Variants in AGPAT3 observed in about 807,000 individuals in gnomAD.
AGPAT3 encodes the protein 1-acylglycerol-3-phosphate O-acyltransferase 3.
A neutral mutation model predicts 47.3 loss-of-function variants in AGPAT3; 5 were observed. That is an observed-to-expected ratio of 0.11 (90% CI 0.06 to 0.22). The LOEUF (loss-of-function observed/expected upper bound fraction) is 0.22. Ranked by LOEUF, AGPAT3 falls within the 10% of genes least tolerant of loss-of-function variation. The pLI is 1.00. For missense variants in AGPAT3, 315 were observed against 493.0 expected, an observed-to-expected ratio of 0.64 and a Z score of 3.42; for synonymous variants, 212 against 208.3, an observed-to-expected ratio of 1.02 and a Z score of -0.15.
intron 1 of AGPAT3, among the ~76,000 whole-genome samples, chr21:43,889,796 T>C (rs973492055): frequency 6.6e-6 from 1 of 152,204 alleles, no homozygotes; most frequent in Non-Finnish European, 1.5e-5. Context: ...TGCTAAAAAA[T>C]GCTAATGATC....
At chr21:43,976,211 C>T (rs144780720) in intron 7 of AGPAT3, among the ~76,000 whole-genome samples, 183 of 152,234 alleles carry the variant, frequency 1.2e-3, no homozygotes, top group African/African-American at 4.2e-3. Context: ...GGATTACAGG[C>T]GCATTCCACC....
At chr21:43,947,471 C>T (rs1378933461) in intron 2 of AGPAT3, among the ~76,000 whole-genome samples, 2 of 152,196 alleles carry the variant, frequency 1.3e-5, no homozygotes, top group East Asian at 1.9e-4. Flanking sequence ...GCATCTCCAG[C>T]GAGGCCTGGA....
chr21:43,897,386 C>A (rs190382265), intron 1 of AGPAT3, among the ~76,000 whole-genome samples: 5 of 151,950 alleles, frequency 3.3e-5, no homozygotes, highest in Admixed American at 2.0e-4. Context: ...CAATCTGATC[C>A]CTCTTTCTTT....
chr21:43,949,146 G>A (rs767477834), intron 2 of AGPAT3, among the ~76,000 whole-genome samples: 3 of 152,170 alleles, frequency 2.0e-5, no homozygotes, highest in Admixed American at 6.5e-5. Flanking sequence ...CTGGGGCTGG[G>A]GGGGAGCTTT....
intron 2 of AGPAT3, among the ~76,000 whole-genome samples, chr21:43,923,706 G>A (rs191244117): frequency 5.9e-5 from 9 of 152,328 alleles, no homozygotes; most frequent in Admixed American, 2.0e-4. Flanking sequence ...AGGGTGTTAC[G>A]AAGGATCCGA....
At position 43,933,482 on chromosome 21, in the gene AGPAT3, T is replaced by C. The variant is rs939163246; in HGVS notation, c.-48-26152T>C. ...ATGGGGAAAGGTTTGGGAATATCGA[T>C]GATGTCATCATACTCCTGGCTGCTT... is the stretch of plus-strand genomic sequence containing the variant. On this transcript the variant is annotated intron_variant, in intron 2 of 9. Transcript: ENST00000291572. The surrounding 1 kb of genome is among the most constrained non-coding windows in gnomAD (Gnocchi z 6.0). Among the ~76,000 whole-genome samples, 1 of 152,204 alleles carries C rather than the reference T, an allele frequency of 6.6e-6. No homozygotes were observed.
chr21:43,958,886 GGT>G (rs927005375), intron 2 of AGPAT3, among the ~76,000 whole-genome samples: 10 of 144,112 alleles, frequency 6.9e-5, no homozygotes, highest in African/African-American at 2.1e-4. Context: ...TGGTGTGTAT[GGT>G]GTGTGTGTGG....
At chr21:43,944,416 C>T (rs1406809630) in intron 2 of AGPAT3, among the ~76,000 whole-genome samples, 1 of 152,240 alleles carries the variant, frequency 6.6e-6, no homozygotes, top group African/African-American at 2.4e-5. Flanking sequence ...TCCCTGCCTG[C>T]AGGCGCTGGC....
intron 2 of AGPAT3, among the ~76,000 whole-genome samples, chr21:43,953,216 C>T (rs757448062): frequency 5.9e-5 from 9 of 152,198 alleles, no homozygotes; most frequent in Admixed American, 3.3e-4. Flanking sequence ...GACAGAGAGA[C>T]GTGCCATCCA....
intron 1 of AGPAT3, among the ~76,000 whole-genome samples, chr21:43,872,705 C>G (rs1049131337): frequency 6.6e-6 from 1 of 152,160 alleles, no homozygotes; most frequent in East Asian, 1.9e-4. Flanking sequence ...GTTTTGCTGC[C>G]TGGGCCAGGC....
chr21:43,975,642 C>G (rs550473362), intron 7 of AGPAT3, among the ~76,000 whole-genome samples: 1 of 152,256 alleles, frequency 6.6e-6, no homozygotes, highest in Admixed American at 6.5e-5. Flanking sequence ...CTCTGAGGTG[C>G]GTCGTCGCCC....
At chr21:43,875,422 G>T (rs980279121) in intron 1 of AGPAT3, among the ~76,000 whole-genome samples, 1 of 152,134 alleles carries the variant, frequency 6.6e-6, no homozygotes. Flanking sequence ...GGAACCCCTA[G>T]ATATGGAGGG....
At chr21:43,906,845 C>T (rs939238100) in intron 2 of AGPAT3, among the ~76,000 whole-genome samples, 4 of 152,238 alleles carry the variant, frequency 2.6e-5, no homozygotes, top group East Asian at 1.9e-4. Flanking sequence ...TCCGCCTGGG[C>T]GAGCCGACAC....
chr21:43,922,286 C>T lies in AGPAT3; in HGVS notation c.-49+18267C>T, dbSNP rs768359123. The stretch of plus-strand genomic sequence containing the variant: ...GAGGCTCCTGTTCTTGTGGGGGTGG[C>T]GAGGCGAGGATGGTGAACACATCAG... On this transcript the variant is annotated intron_variant, in intron 2 of 9. Transcript: ENST00000291572. This position sits in a 1 kb window ranked among gnomAD's most constrained non-coding sequence, Gnocchi z 4.9. Among the ~76,000 whole-genome samples, 4 of 151,816 alleles carry T rather than the reference C, an allele frequency of 2.6e-5. No individual in the cohort carries two copies. Among genetic ancestry groups the T allele is most frequent in the Non-Finnish European group, 5.9e-5 (4 of 67,940 alleles).
intron 2 of AGPAT3, among the ~76,000 whole-genome samples, chr21:43,938,088 TC>T (rs2087510189): frequency 1.1e-4 from 1 of 9,198 alleles, no homozygotes; most frequent in Non-Finnish European, 2.3e-4. Flanking sequence ...CCCCACTTTC[TC>T]TCTCTCTCTC....
rs376959948 is a variant in AGPAT3 at position 43,877,529 on chromosome 21, G to A, written c.-112+12184G>A. 3.8e-4 allele frequency among the ~76,000 whole-genome samples: 58 copies of A among 151,740 alleles called. 1 individual carries two copies. In the East Asian group the frequency reaches 6.6e-3, roughly 17 times the overall value. On this transcript the variant is annotated intron_variant, in intron 1 of 9. Transcript: ENST00000291572. ...GCCATGTTGGCTCACCACAACTTCC[G>A]CCCCCCGGGTTCAAGTGATTCTCCT...
intron 2 of AGPAT3, among the ~76,000 whole-genome samples, chr21:43,941,504 G>A (rs906165096): frequency 2.0e-5 from 3 of 152,184 alleles, no homozygotes; most frequent in African/African-American, 4.8e-5. Context: ...CTGTGATTAC[G>A]CCACTGCACT....
chr21:43,866,174 T>A (rs1479188602), intron 1 of AGPAT3, among the ~76,000 whole-genome samples: 4 of 149,708 alleles, frequency 2.7e-5, no homozygotes, highest in African/African-American at 9.8e-5. Context: ...GGGAAAATGC[T>A]TTTATAAATG....
intron 3 of AGPAT3, chr21:43,960,890 C>A: frequency 1.6e-5 from 8 of 508,888 alleles, no homozygotes; most frequent in Non-Finnish European, 2.0e-5. Flanking sequence ...CCTGTAATCC[C>A]AGCACTTTGA....
Sources: gnomAD v4.1 joint callset for allele counts (sites outside exome capture counted in the v4.1 genomes callset) on GRCh38, gnomAD v4.1.1 for gene constraint, Gnocchi (gnomAD v3.1) non-coding constraint, MANE v1.5 for transcripts, NCBI Gene and HGNC (gene_info 2026-07-23, HGNC 2026-07-21) for gene names.